The following ZSCAN20 variants were observed in gnomAD, a reference collection of about 807,000 sequenced individuals.
ZSCAN20 encodes zinc finger and SCAN domain-containing protein 20.
A neutral mutation model predicts 97.1 loss-of-function variants in ZSCAN20; 39 were observed. That is an observed-to-expected ratio of 0.40 (90% confidence interval 0.31 to 0.52). ZSCAN20 has a LOEUF of 0.52. Ranked by LOEUF, ZSCAN20 falls within the 20% of genes least tolerant of loss-of-function variation. ZSCAN20 has a pLI of 0.49. For missense variants in ZSCAN20, 1,115 were observed against 1,290.4 expected (o/e 0.86, Z 2.08); for synonymous variants, 456 against 467.3 (o/e 0.98, Z 0.31).
intron 1 of ZSCAN20, among the ~76,000 whole-genome samples, chr1:33,473,027 A>G (rs1476904031): frequency 6.6e-6 from 1 of 151,996 alleles, no homozygotes; most frequent in African/African-American, 2.4e-5. Flanking sequence ...GGGCCCTGGC[A>G]AGAAGTGAAG....
intron 2 of ZSCAN20, among the ~76,000 whole-genome samples, chr1:33,485,563 A>G (rs1652331764): frequency 6.9e-6 from 1 of 144,242 alleles, no homozygotes; most frequent in Non-Finnish European, 1.5e-5. Flanking sequence ...CCACACCACC[A>G]TGCCCAGCTA....
At chr1:33,492,222 T>C (rs567348855) in intron 6 of ZSCAN20, 2 of 152,668 alleles carry the variant, frequency 1.3e-5, no homozygotes, top group East Asian at 3.9e-4. Flanking sequence ...ATGAGGCGTC[T>C]TATAGACGCA....
intron 2 of ZSCAN20, among the ~76,000 whole-genome samples, chr1:33,484,374 G>A (rs1185216407): frequency 6.6e-6 from 1 of 152,098 alleles, no homozygotes; most frequent in East Asian, 1.9e-4. Flanking sequence ...TCTATTCCTA[G>A]TTTGCCAAGT....
At chr1:33,481,040 A>G (rs1244335570) in intron 2 of ZSCAN20, among the ~76,000 whole-genome samples, 1 of 152,232 alleles carries the variant, frequency 6.6e-6, no homozygotes, top group Non-Finnish European at 1.5e-5. Context: ...AGTTCTATAC[A>G]GTGTGAGGTT....
At chr1:33,478,335 C>A (rs145084724) in intron 1 of ZSCAN20, among the ~76,000 whole-genome samples, 2 of 105,530 alleles carry the variant, frequency 1.9e-5, no homozygotes, top group South Asian at 6.5e-4. Flanking sequence ...GTGGACACAG[C>A]GTGGTGATGA....
chr1:33,501,533 G>GT lies in ZSCAN20; in HGVS notation c.*6059dup, dbSNP rs1553124192. 1.1e-4 allele frequency among the ~76,000 whole-genome samples: 10 copies of GT among 92,232 alleles called. No homozygotes were observed. The highest frequency in any genetic ancestry group is 4.0e-4 in the African/African-American group (7 of 17,690). 60.5% of individuals were successfully genotyped at this position (92,232 alleles called of 152,430 possible). ...CTTTGCTTTCACTTCCCCATTTTCT[G>GT]TTATTTTTTTTTTTTTTGTGCTGTT... is the stretch of plus-strand genomic sequence containing the variant. On this transcript the variant is annotated 3_prime_UTR_variant, in exon 8 of 8. Coordinates refer to ENST00000684572, the MANE Select transcript of ZSCAN20 (RefSeq NM_001377376.1).
In ZSCAN20 at chr1:33,491,080, T is replaced by A. The variant is rs1412550507; in HGVS notation, c.822T>A (p.Phe274Leu). 6.2e-7 allele frequency: 1 copy of A among 1,612,416 alleles called. No individual in the cohort carries two copies. Among genetic ancestry groups the A allele is most frequent in the African/African-American group, 1.3e-5 (1 of 74,570 alleles). The change falls in exon 6 of 8, where the codon TTT (phenylalanine) becomes TTA (leucine). Residue 274 changes from phenylalanine (F) to leucine (L), a missense_variant. This residue lies in a region of ZSCAN20 where 508 missense variants were observed against 611.2 expected (regional missense o/e 0.83). Coordinates refer to ENST00000684572, the MANE Select transcript of ZSCAN20 (RefSeq NM_001377376.1). This position sits in a 1 kb window ranked among gnomAD's most constrained non-coding sequence, Gnocchi z 4.3. Reference protein sequence around the residue: ...NTSEKEQGPEFWGLSLINSGK... With the variant: ...NTSEKEQGPELWGLSLINSGK... ...CCGAGAAAGAGCAAGGACCAGAGTT[T>A]TGGGGTCTAAGTCTTATAAATTCTG...
chr1:33,498,936 G>C lies in ZSCAN20; in HGVS notation c.*3460G>C, dbSNP rs2148486947. The stretch of plus-strand genomic sequence containing the variant: ...GGGCCAAGACTTTTTCAGATACTCG[G>C]TTTTTTCTAAGGCCTTGACCTCAGC... On this transcript the variant is annotated 3_prime_UTR_variant, in exon 8 of 8. Coordinates refer to ENST00000684572, the MANE Select transcript of ZSCAN20 (RefSeq NM_001377376.1). 6.6e-6 allele frequency among the ~76,000 whole-genome samples: 1 copy of C among 152,314 alleles called. No individual in the cohort carries two copies. Among genetic ancestry groups the C allele is most frequent in the East Asian group, 1.9e-4 (1 of 5,190 alleles).
At position 33,496,871 on chromosome 1, in the gene ZSCAN20, C is replaced by T. The variant is rs1008636204; in HGVS notation, c.*1395C>T. Among the ~76,000 whole-genome samples the T allele has an allele frequency of 6.6e-6, 1 of 152,186 alleles. No homozygotes were observed. Among genetic ancestry groups the T allele is most frequent in the African/African-American group, 2.4e-5 (1 of 41,430 alleles). The stretch of plus-strand genomic sequence containing the variant: ...CTGTATGTTGACCCTTAAGACTCAC[C>T]TCCCACATGGACAGGCTAAGTTAGA... On this transcript the variant is annotated 3_prime_UTR_variant, in exon 8 of 8. Coordinates refer to ENST00000684572, the MANE Select transcript of ZSCAN20 (RefSeq NM_001377376.1).
rs763871957 is a variant in ZSCAN20 at position 33,491,265 on chromosome 1, C to A, written c.1007C>A (p.Ala336Glu). The A allele has an allele frequency of 6.2e-6, 10 of 1,614,008 alleles. No homozygotes were observed. The African/African-American group carries it at 1.3e-4, about 22-fold the overall frequency. ...TATGAGGAGACCAAGACTTTCCTGG[C>A]AATTTTGAGTGAATCTCCTTTCTCT... ...WGYEETKTFLAILSESPFSEK... is the reference protein window; with the variant it reads ...WGYEETKTFLEILSESPFSEK... The change falls in exon 6 of 8, where the codon GCA becomes GAA. Residue 336 changes from alanine to glutamate, a missense_variant. Physicochemically the swap from Ala to Glu is moderately radical, Grantham distance 107. This residue lies in a region of ZSCAN20 where 508 missense variants were observed against 611.2 expected (regional missense o/e 0.83). Transcript: ENST00000684572. The surrounding 1 kb of genome is among the most constrained non-coding windows in gnomAD (Gnocchi z 4.3).
intron 1 of ZSCAN20, among the ~76,000 whole-genome samples, chr1:33,476,145 G>T (rs1651929883): frequency 1.3e-5 from 2 of 152,138 alleles, no homozygotes; most frequent in Non-Finnish European, 2.9e-5. Context: ...GAAATTGCTG[G>T]TCCTAATGAG....
Position 33,494,758 on chromosome 1 carries a change from A to C in ZSCAN20, c.2414A>C (p.Gln805Pro). 1 of 1,614,216 alleles carries C rather than the reference A, an allele frequency of 6.2e-7. No individual in the cohort carries two copies. Among genetic ancestry groups the C allele is most frequent in the African/African-American group, 1.3e-5 (1 of 75,070 alleles). ...KCGECWKSFN[Q>P]SSNLLKHQRI... is the part of the protein sequence containing the mutation. ...GGAGAATGTTGGAAAAGCTTCAACC[A>C]GAGCTCAAACCTTCTGAAACATCAG... The change falls in exon 8 of 8, where the codon CAG becomes CCG. Residue 805 changes from glutamine to proline, a missense_variant. This residue lies in a region of ZSCAN20 where 554 missense variants were observed against 584.9 expected (regional missense o/e 0.95). Transcript: ENST00000684572.
intron 1 of ZSCAN20, among the ~76,000 whole-genome samples, chr1:33,478,821 G>A (rs1256605444): frequency 1.3e-5 from 2 of 152,146 alleles, no homozygotes; most frequent in Non-Finnish European, 2.9e-5. Context: ...TCATGGAGGT[G>A]TGGGATGCCA....
rs192016095 is a variant in ZSCAN20 at position 33,499,137 on chromosome 1, G to A, written c.*3661G>A. On this transcript the variant is annotated 3_prime_UTR_variant, in exon 8 of 8. Transcript: ENST00000684572. The stretch of plus-strand genomic sequence containing the variant: ...CCAGTGGGGATAGCTCTCTGCTTTC[G>A]GGCTGCAGAAAAGAATTGAGTCACT... Among the ~76,000 whole-genome samples the A allele has an allele frequency of 3.3e-5, 5 of 152,220 alleles. No individual in the cohort carries two copies. The East Asian group carries it at 5.8e-4, about 18-fold the overall frequency.
rs1293206539 is a variant in ZSCAN20, at chr1:33,489,134, C to T, written c.624C>T (p.Val208=). The part of the protein sequence containing the change: ...LKESAVLTPR[V]PTLPKMGSVG... ...CCTCAGCTGTCCTCACTCCCCGAGT[C>T]CCTACTCTCCCAAAGATGGGGAGCG... The change falls in exon 4 of 8, where the codon GTC becomes GTT. Residue 208 remains valine, a synonymous_variant. Coordinates refer to ENST00000684572, the MANE Select transcript of ZSCAN20 (RefSeq NM_001377376.1). 6.2e-7 allele frequency: 1 copy of T among 1,613,560 alleles called. No individual in the cohort carries two copies.
chr1:33,484,653 G>A (rs1652288508), intron 2 of ZSCAN20, among the ~76,000 whole-genome samples: 2 of 146,860 alleles, frequency 1.4e-5, no homozygotes, highest in South Asian at 4.3e-4. Context: ...AGTCTTGTTG[G>A]TTCTGTCGCC....
chr1:33,483,120 A>T (rs1168864705), intron 2 of ZSCAN20, among the ~76,000 whole-genome samples: 1 of 152,152 alleles, frequency 6.6e-6, no homozygotes, highest in East Asian at 1.9e-4. Flanking sequence ...TTGATTTTGT[A>T]TCTGAAAAGT....
intron 1 of ZSCAN20, among the ~76,000 whole-genome samples, chr1:33,473,401 C>G (rs779634077): frequency 6.6e-6 from 1 of 152,134 alleles, no homozygotes; most frequent in Non-Finnish European, 1.5e-5. Flanking sequence ...ACACATTGCA[C>G]CTAGTGTGAT....
intron 2 of ZSCAN20, among the ~76,000 whole-genome samples, chr1:33,481,355 A>G (rs1652150796): frequency 1.3e-5 from 2 of 152,222 alleles, no homozygotes; most frequent in Non-Finnish European, 2.9e-5. Flanking sequence ...GTAAAATGAG[A>G]GGGTTGGATT....
Sources: allele counts gnomAD v4.1 joint callset (sites outside exome capture counted in the v4.1 genomes callset), GRCh38; gene constraint gnomAD v4.1.1; regional missense constraint gnomAD v4.1.1; non-coding constraint Gnocchi (gnomAD v3.1); transcripts MANE v1.5; gene names NCBI Gene and HGNC (gene_info 2026-07-23, HGNC 2026-07-21).